Variants in TRIM55 observed in about 807,000 individuals in gnomAD.
TRIM55 encodes the protein tripartite motif-containing protein 55.
A neutral mutation model predicts 60.9 loss-of-function variants in TRIM55; 50 were observed. The ratio of observed to expected loss-of-function variants is 0.82; its 90% CI spans 0.65 to 1.04. The LOEUF (loss-of-function observed/expected upper bound fraction) is 1.04. TRIM55 is among the 50% of genes least tolerant of loss of function. TRIM55 has a pLI of 0.00. For synonymous variants in TRIM55, 237 were observed against 238.1 expected (o/e 1.00, Z 0.04); for missense variants, 681 against 666.9 (o/e 1.02, Z -0.23).
intron 9 of TRIM55, among the ~76,000 whole-genome samples, chr8:66,160,648 A>G (rs1202893572): frequency 6.6e-6 from 1 of 151,930 alleles, no homozygotes; most frequent in Non-Finnish European, 1.5e-5. Flanking sequence ...CAACAGTGTA[A>G]ATTGTTCCCT....
chr8:66,120,532 A>G, the TRIM55 span, among the ~76,000 whole-genome samples: 1 of 152,188 alleles, frequency 6.6e-6, no homozygotes, highest in African/African-American at 2.4e-5. Flanking sequence ...GAAGATTGAG[A>G]TCAGTCACAA....
chr8:66,124,451 G>A (rs1808745616), upstream of TRIM55, among the ~76,000 whole-genome samples: 1 of 152,150 alleles, frequency 6.6e-6, no homozygotes, highest in South Asian at 2.1e-4. Flanking sequence ...GCATGCCTGT[G>A]CATGCCCATG....
At chr8:66,128,258 G>A (rs372129244) in intron 1 of TRIM55, 46 bp from the exon 2 acceptor site, 3 of 1,515,396 alleles carry the variant, frequency 2.0e-6, no homozygotes, top group Non-Finnish European at 2.7e-6. Context: ...CAGAGAAGCT[G>A]CTTGTGGCAT....
chr8:66,114,637 G>C, the TRIM55 span: 1 of 456,350 alleles, frequency 2.2e-6, no homozygotes, highest in Non-Finnish European at 4.4e-6. Flanking sequence ...AGAGAACTTG[G>C]AAACGGACGC....
chr8:66,158,095 C>G (rs577165314), intron 9 of TRIM55, among the ~76,000 whole-genome samples: 1 of 150,772 alleles, frequency 6.6e-6, no homozygotes, highest in South Asian at 2.1e-4. Context: ...CTGGCTGATA[C>G]TTGAGCTGGA....
chr8:66,128,191 G>A (rs766497610), intron 1 of TRIM55, 113 bp from the exon 2 acceptor site: 245 of 1,053,854 alleles, frequency 2.3e-4, no homozygotes, highest in Non-Finnish European at 3.1e-4. Context: ...TGATCTTATG[G>A]CAAGCTTAAA....
chr8:66,164,390 T>C (rs1248141206), intron 9 of TRIM55, among the ~76,000 whole-genome samples: 1 of 152,236 alleles, frequency 6.6e-6, no homozygotes, highest in African/African-American at 2.4e-5. Flanking sequence ...TATCACTTGC[T>C]TTAGAAGCTA....
chr8:66,141,071 G>A (rs1268069208), intron 4 of TRIM55, among the ~76,000 whole-genome samples: 1 of 152,142 alleles, frequency 6.6e-6, no homozygotes, highest in Admixed American at 6.5e-5. Flanking sequence ...ATCATGTAAT[G>A]TCACACAGGA....
intron 9 of TRIM55, among the ~76,000 whole-genome samples, chr8:66,168,216 C>T (rs752311251): frequency 6.6e-6 from 1 of 152,174 alleles, no homozygotes; most frequent in Non-Finnish European, 1.5e-5. Flanking sequence ...AAATAGACAC[C>T]TATGATGGCA....
intron 9 of TRIM55, chr8:66,155,851 C>A: frequency 3.1e-6 from 2 of 643,098 alleles, no homozygotes; most frequent in Non-Finnish European, 5.4e-6. Context: ...TCAGATTATA[C>A]TGGAGGCCTC....
At chr8:66,132,335 C>A (rs1809208634) in intron 2 of TRIM55, among the ~76,000 whole-genome samples, 1 of 152,144 alleles carries the variant, frequency 6.6e-6, no homozygotes, top group Admixed American at 6.5e-5. Context: ...CACCTGTAAT[C>A]CCAGCAACTT....
chr8:66,161,355 C>T (rs183489558), intron 9 of TRIM55, among the ~76,000 whole-genome samples: 7 of 151,892 alleles, frequency 4.6e-5, no homozygotes, highest in East Asian at 3.9e-4. Context: ...GCTTTATTTC[C>T]GGGTTCTCTA....
chr8:66,114,205 T>A, the TRIM55 span, among the ~76,000 whole-genome samples: 1 of 151,262 alleles, frequency 6.6e-6, no homozygotes, highest in African/African-American at 2.4e-5. Context: ...TTAGCTCAAA[T>A]GGTAGAGCGC....
At chr8:66,161,569 G>C (rs962120778) in intron 9 of TRIM55, among the ~76,000 whole-genome samples, 1 of 151,852 alleles carries the variant, frequency 6.6e-6, no homozygotes, top group Non-Finnish European at 1.5e-5. Flanking sequence ...GAAGAATGAT[G>C]GTGTATTTTG....
At chr8:66,136,964 C>A in intron 3 of TRIM55, 131 bp from the exon 4 acceptor site, 1 of 632,330 alleles carries the variant, frequency 1.6e-6, no homozygotes, top group South Asian at 2.1e-5. Flanking sequence ...GGTCCACAGG[C>A]CTCCCTGTTA....
At chr8:66,138,643 A>G (rs1351436629) in intron 4 of TRIM55, among the ~76,000 whole-genome samples, 1 of 151,860 alleles carries the variant, frequency 6.6e-6, no homozygotes, top group African/African-American at 2.4e-5. Flanking sequence ...CCCGCCTCGG[A>G]CTCCCAAAGT....
intron 9 of TRIM55, among the ~76,000 whole-genome samples, chr8:66,156,778 C>CA (rs1341311027): frequency 6.6e-6 from 1 of 152,128 alleles, no homozygotes; most frequent in African/African-American, 2.4e-5. Flanking sequence ...ATGGCGGTGG[C>CA]GTCTCCATTG....
chr8:66,174,699 A>T lies in TRIM55; in HGVS notation c.*106A>T, dbSNP rs1586275551. Reference sequence around the variant, plus strand: ...ATGCAGATGATGAAAGGGACCTCTGAACAGGATTTCTGCAAAAATAGCCCC... The same window carrying T: ...ATGCAGATGATGAAAGGGACCTCTGTACAGGATTTCTGCAAAAATAGCCCC... On this transcript the variant is annotated 3_prime_UTR_variant, in exon 10 of 10. Transcript: ENST00000315962. 1.6e-6 allele frequency: 2 copies of T among 1,289,632 alleles called. No individual in the cohort carries two copies. Among genetic ancestry groups the T allele is most frequent in the Non-Finnish European group, 2.0e-6 (2 of 991,046 alleles). The allele number at this position is 1,289,632 out of a possible 1,614,324, so 79.9% of individuals were successfully genotyped here.
chr8:66,161,606 T>C (rs1271605695), intron 9 of TRIM55, among the ~76,000 whole-genome samples: 1 of 152,152 alleles, frequency 6.6e-6, no homozygotes, highest in Non-Finnish European at 1.5e-5. Flanking sequence ...ATTTTTAGAT[T>C]GCTTTTGGCA....
Sources: gnomAD v4.1 joint callset for allele counts (sites outside exome capture counted in the v4.1 genomes callset) on GRCh38, gnomAD v4.1.1 for gene constraint, MANE v1.5 for transcripts, NCBI Gene and HGNC (gene_info 2026-07-23, HGNC 2026-07-21) for gene names.